Variants in TAB3 observed in about 807,000 individuals in gnomAD.
TAB3 encodes the protein TGF-beta-activated kinase 1 and MAP3K7-binding protein 3.
Under a neutral mutation model 48.1 loss-of-function variants are expected in TAB3, and 18 were observed. The ratio of observed to expected loss-of-function variants is 0.37; its 90% CI spans 0.26 to 0.55. The LOEUF (loss-of-function observed/expected upper bound fraction) is 0.55. TAB3 is among the 20% of genes least tolerant of loss of function. The pLI, the probability that TAB3 is intolerant of heterozygous loss-of-function variation, is 0.78. For synonymous variants in TAB3, 185 were observed against 190.2 expected (o/e 0.97, Z 0.22); for missense variants, 414 against 549.8 (o/e 0.75, Z 2.47).
chrX:30,876,709 CA>C (rs1221203128), intron 1 of TAB3, among the ~76,000 whole-genome samples: 1 of 110,690 alleles, frequency 9.0e-6, no homozygotes, highest in Non-Finnish European at 1.9e-5. Flanking sequence ...GGGGTTTTGC[CA>C]TGTTGTCCGG....
chrX:30,831,648 G>C (rs1293374281), intron 10 of TAB3, 73 bp from the exon 11 acceptor site: 11 of 1,067,000 alleles, frequency 1.0e-5, no homozygotes, highest in Non-Finnish European at 1.4e-5. Flanking sequence ...AATCCAAACT[G>C]AAAAGAAAAA....
intron 10 of TAB3, among the ~76,000 whole-genome samples, chrX:30,833,261 A>T (rs149767695): frequency 9.2e-6 from 1 of 109,210 alleles, no homozygotes; most frequent in Non-Finnish European, 1.9e-5. Context: ...GAGCCACCGC[A>T]CCCGGCCTAC....
intron 7 of TAB3, among the ~76,000 whole-genome samples, chrX:30,847,362 C>G (rs1284604536): frequency 9.1e-6 from 1 of 109,774 alleles, no homozygotes; most frequent in Non-Finnish European, 1.9e-5. Flanking sequence ...CCTCTTCAGG[C>G]CAGCCCACTC....
At chrX:30,846,463 TA>T in intron 8 of TAB3, 87 bp downstream of exon 8, 2 of 657,731 alleles carry the variant, frequency 3.0e-6, no homozygotes, top group Non-Finnish European at 4.6e-6. Flanking sequence ...AACTGTCTCT[TA>T]AATCTACAAA....
intron 1 of TAB3, among the ~76,000 whole-genome samples, chrX:30,878,327 C>T: frequency 9.1e-6 from 1 of 109,915 alleles, no homozygotes; most frequent in Non-Finnish European, 1.9e-5. Context: ...CCCGTCTCTA[C>T]TAAAAATACA....
intron 1 of TAB3, among the ~76,000 whole-genome samples, chrX:30,880,963 CA>C (rs1030492863): frequency 9.0e-6 from 1 of 111,393 alleles, no homozygotes; most frequent in Non-Finnish European, 1.9e-5. Flanking sequence ...TCCAAGGTCA[CA>C]AAGACATTCT....
chrX:30,865,665 A>G (rs1224107080), intron 4 of TAB3, among the ~76,000 whole-genome samples: 1 of 112,220 alleles, frequency 8.9e-6, no homozygotes, highest in Non-Finnish European at 1.9e-5. Context: ...GTGGTTACAC[A>G]GTCAACCAGT....
chrX:30,831,688 T>C, intron 10 of TAB3, 113 bp from the exon 11 acceptor site: 2 of 825,036 alleles, frequency 2.4e-6, no homozygotes, highest in Non-Finnish European at 3.4e-6. Context: ...GGTAATTGCC[T>C]ACTTTAATAT....
chrX:30,831,430 G>C lies in TAB3; in HGVS notation c.2136C>G (p.Thr712=). ...RCEQCEMPRY[T] ...CCTGGCGCAGACTTTTCTGAATTCAGGTGTACCGTGGCATCTCGCACTGCT... is the reference window on the plus strand; with the variant it reads ...CCTGGCGCAGACTTTTCTGAATTCACGTGTACCGTGGCATCTCGCACTGCT... Residue 712 remains threonine, a synonymous_variant, in exon 11 of 11, where the codon ACC becomes ACG. Coordinates refer to ENST00000288422, the MANE Select transcript of TAB3 (RefSeq NM_152787.5). 6 of 1,207,735 alleles carry C rather than the reference G, an allele frequency of 5.0e-6. No homozygotes were observed. The highest frequency in any genetic ancestry group is 5.6e-6 in the Non-Finnish European group (5 of 893,687).
At chrX:30,845,986 A>G (rs1475425407) in intron 8 of TAB3, 1 of 1,010,234 alleles carries the variant, frequency 9.9e-7, no homozygotes, top group African/African-American at 1.9e-5. Flanking sequence ...ATCAGTCAGT[A>G]TATTTTCCAC....
intron 7 of TAB3, among the ~76,000 whole-genome samples, chrX:30,849,801 C>A (rs990960727): frequency 1.8e-5 from 2 of 111,821 alleles, no homozygotes; most frequent in African/African-American, 6.5e-5. Context: ...TGATTTATTT[C>A]TTGATTAATT....
intron 4 of TAB3, among the ~76,000 whole-genome samples, chrX:30,863,751 T>C (rs926013707): frequency 1.8e-5 from 2 of 112,191 alleles, no homozygotes; most frequent in African/African-American, 6.5e-5. Flanking sequence ...CTTTTCTTTA[T>C]AAATTACCCT....
chrX:30,855,763 C>T (rs748373314), intron 5 of TAB3, among the ~76,000 whole-genome samples: 2 of 111,924 alleles, frequency 1.8e-5, no homozygotes, highest in Non-Finnish European at 3.8e-5. Context: ...ACATTTAGCT[C>T]ACATTACTAG....
intron 9 of TAB3, among the ~76,000 whole-genome samples, chrX:30,842,056 G>A (rs1005315228): frequency 4.4e-5 from 5 of 112,519 alleles, no homozygotes; most frequent in African/African-American, 1.3e-4. Flanking sequence ...TGATCCATCC[G>A]TCTGGCTTAA....
At chrX:30,868,753 A>G (rs1400856181) in intron 2 of TAB3, among the ~76,000 whole-genome samples, 5 of 104,130 alleles carry the variant, frequency 4.8e-5, no homozygotes, top group African/African-American at 1.4e-4. Context: ...TAATATTATC[A>G]TTTTAGGGCA....
chrX:30,870,782 A>G (rs1939641875), intron 2 of TAB3, among the ~76,000 whole-genome samples: 1 of 111,990 alleles, frequency 8.9e-6, no homozygotes, highest in African/African-American at 3.2e-5. Context: ...TCTGACAGGC[A>G]GAGTCCAGAG....
chrX:30,847,046 C>T (rs958081940), intron 7 of TAB3, among the ~76,000 whole-genome samples: 2 of 111,401 alleles, frequency 1.8e-5, no homozygotes, highest in Non-Finnish European at 3.8e-5. Flanking sequence ...AAAATTACAA[C>T]AGTACGGTGT....
intron 1 of TAB3, among the ~76,000 whole-genome samples, chrX:30,876,377 G>A (rs1254373767): frequency 8.9e-6 from 1 of 112,379 alleles, no homozygotes; most frequent in Non-Finnish European, 1.9e-5. Context: ...GACCAGAAGA[G>A]ACTCAGAAGG....
At chrX:30,855,775 A>G (rs989067096) in intron 5 of TAB3, among the ~76,000 whole-genome samples, 1 of 112,020 alleles carries the variant, frequency 8.9e-6, no homozygotes, top group Non-Finnish European at 1.9e-5. Context: ...CATTACTAGT[A>G]CTACCACTAC....
Sources: gnomAD v4.1 joint callset for allele counts (sites outside exome capture counted in the v4.1 genomes callset) on GRCh38, gnomAD v4.1.1 for gene constraint, MANE v1.5 for transcripts, NCBI Gene and HGNC (gene_info 2026-07-23, HGNC 2026-07-21) for gene names.